The following ARHGAP32 variants were observed in gnomAD, a reference collection of about 807,000 sequenced individuals.
The protein encoded by ARHGAP32 is Rho GTPase activating protein 32, also known as rho GTPase-activating protein 32.
A neutral mutation model predicts 186.5 loss-of-function variants in ARHGAP32; 51 were observed. The observed-to-expected ratio is 0.27, with a 90% CI of 0.22 to 0.35. The LOEUF (loss-of-function observed/expected upper bound fraction) is 0.35. ARHGAP32 is among the 10% of genes least tolerant of loss of function. The pLI is 1.00. For missense variants in ARHGAP32, 2,186 were observed against 2,623.5 expected, an observed-to-expected ratio of 0.83 and a Z score of 3.64; for synonymous variants, 950 against 964.3, an observed-to-expected ratio of 0.99 and a Z score of 0.27.
intron 10 of ARHGAP32, 133 bp from the exon 11 acceptor site, chr11:129,041,142 C>G: frequency 5.8e-6 from 3 of 519,512 alleles, no homozygotes; most frequent in Non-Finnish European, 1.0e-5. Context: ...CTCTAAATAA[C>G]AGATGATGCC....
chr11:129,216,869 C>T (rs1944654872), intron 1 of ARHGAP32, among the ~76,000 whole-genome samples: 1 of 151,216 alleles, frequency 6.6e-6, no homozygotes. Flanking sequence ...ACTTTTATTC[C>T]ACCTCAACTA....
intron 1 of ARHGAP32, among the ~76,000 whole-genome samples, chr11:129,238,615 C>T (rs1293378831): frequency 6.6e-6 from 1 of 152,076 alleles, no homozygotes; most frequent in Non-Finnish European, 1.5e-5. Flanking sequence ...TGGTGGCACG[C>T]ACCTGTAGTC....
intron 1 of ARHGAP32, among the ~76,000 whole-genome samples, chr11:129,182,993 T>C (rs1305789716): frequency 6.6e-6 from 1 of 152,102 alleles, no homozygotes; most frequent in African/African-American, 2.4e-5. Flanking sequence ...AAATCTTTGA[T>C]CATTTGTAAT....
At chr11:129,193,587 A>AAT (rs1283726957), upstream of ARHGAP32, among the ~76,000 whole-genome samples, 1 of 52,032 alleles carries the variant, frequency 1.9e-5, no homozygotes, top group African/African-American at 7.9e-5. Context: ...TATATTATAT[A>AAT]ATATATGTTA....
intron 1 of ARHGAP32, among the ~76,000 whole-genome samples, chr11:129,255,671 A>G (rs1369092523): frequency 1.3e-5 from 2 of 152,040 alleles, no homozygotes; most frequent in Non-Finnish European, 2.9e-5. Context: ...ACTCTCACAA[A>G]CAAGACAAAT....
At chr11:129,249,321 A>C (rs1357840139) in intron 1 of ARHGAP32, among the ~76,000 whole-genome samples, 1 of 150,124 alleles carries the variant, frequency 6.7e-6, no homozygotes, top group Non-Finnish European at 1.5e-5. Flanking sequence ...ACTCATACAT[A>C]TATATATATA....
chr11:129,029,765 GCA>G (rs1185626832), intron 11 of ARHGAP32, among the ~76,000 whole-genome samples: 4 of 123,148 alleles, frequency 3.2e-5, no homozygotes, highest in African/African-American at 1.2e-4. Flanking sequence ...TCGCACCACT[GCA>G]CTGCAGCCTG....
chr11:128,981,381 C>T (rs1487366003), intron 17 of ARHGAP32, 35 bp downstream of exon 17: 11 of 1,547,070 alleles, frequency 7.1e-6, no homozygotes, highest in Non-Finnish European at 7.9e-6. Flanking sequence ...AGCTGAGACA[C>T]ACCCTCCTGG....
chr11:129,035,754 G>A (rs1939304745), intron 11 of ARHGAP32, among the ~76,000 whole-genome samples: 2 of 151,982 alleles, frequency 1.3e-5, no homozygotes, highest in South Asian at 4.2e-4. Context: ...AGAGGCAGGA[G>A]AATTGCTTGA....
At chr11:129,278,718 C>T (rs535488522) in intron 1 of ARHGAP32, among the ~76,000 whole-genome samples, 2 of 151,752 alleles carry the variant, frequency 1.3e-5, no homozygotes, top group East Asian at 3.9e-4. Flanking sequence ...CACCTGGGGG[C>T]GGGACCCGCG....
chr11:128,980,393 G>A (rs1264461599), intron 18 of ARHGAP32, 160 bp downstream of exon 18: 4 of 487,762 alleles, frequency 8.2e-6, no homozygotes, highest in Non-Finnish European at 1.4e-5. Context: ...TCCCCATGAA[G>A]CGGTAAGTAT....
At chr11:128,991,244 C>T (rs939359260) in intron 12 of ARHGAP32, among the ~76,000 whole-genome samples, 1 of 152,048 alleles carries the variant, frequency 6.6e-6, no homozygotes, top group African/African-American at 2.4e-5. Context: ...GCATCTGAAT[C>T]GTTTTCTTAT....
intron 1 of ARHGAP32, among the ~76,000 whole-genome samples, chr11:129,213,100 T>C (rs760183015): frequency 4.6e-5 from 7 of 152,186 alleles, no homozygotes; most frequent in Non-Finnish European, 8.8e-5. Context: ...AAATAAAATA[T>C]AGTATAAGAC....
chr11:129,199,162 T>C (rs1049889614), intron 1 of ARHGAP32, among the ~76,000 whole-genome samples: 15 of 152,182 alleles, frequency 9.9e-5, no homozygotes, highest in South Asian at 4.1e-4. Context: ...CATTCAGTTT[T>C]ATAAGGGAAA....
intron 1 of ARHGAP32, among the ~76,000 whole-genome samples, chr11:129,181,823 A>G (rs1944059950): frequency 6.6e-6 from 1 of 152,168 alleles, no homozygotes; most frequent in African/African-American, 2.4e-5. Context: ...CATATAAAGA[A>G]AAATTATTCC....
chr11:129,019,003 C>T (rs1938481810), intron 11 of ARHGAP32, among the ~76,000 whole-genome samples: 2 of 151,980 alleles, frequency 1.3e-5, no homozygotes, highest in Admixed American at 6.6e-5. Context: ...ATAACTCTGG[C>T]GATGTGTTTT....
chr11:129,049,598 CCATTT>C (rs1246569396), intron 10 of ARHGAP32, among the ~76,000 whole-genome samples: 9 of 152,136 alleles, frequency 5.9e-5, no homozygotes, highest in Non-Finnish European at 7.4e-5. Flanking sequence ...ATATTACTTT[CCATTT>C]TCTATAATTT....
intron 1 of ARHGAP32, among the ~76,000 whole-genome samples, chr11:129,273,712 T>C (rs1268438768): frequency 6.6e-6 from 1 of 152,230 alleles, no homozygotes; most frequent in African/African-American, 2.4e-5. Context: ...CAGGAATTAC[T>C]GTTTCCATGC....
At chr11:129,131,279 A>ATG (rs749870342) in intron 2 of ARHGAP32, among the ~76,000 whole-genome samples, 9 of 152,192 alleles carry the variant, frequency 5.9e-5, no homozygotes, top group Admixed American at 2.0e-4. Context: ...TTACTCACTT[A>ATG]TGTGTGTGTG....
Sources: allele counts gnomAD v4.1 joint callset (sites outside exome capture counted in the v4.1 genomes callset), GRCh38; gene constraint gnomAD v4.1.1; transcripts MANE v1.5; gene names NCBI Gene and HGNC (gene_info 2026-07-23, HGNC 2026-07-21).